FBXW10: variants seen among roughly 807,000 people sequenced by gnomAD.
FBXW10 encodes F-box/WD repeat-containing protein 10.
In FBXW10, 68 loss-of-function variants were observed where a neutral mutation model predicts 113.1. The ratio of observed to expected loss-of-function variants is 0.60; its 90% confidence interval spans 0.49 to 0.74. The LOEUF (loss-of-function observed/expected upper bound fraction) is 0.74. FBXW10 is among the 30% of genes least tolerant of loss of function. The probability of loss-of-function intolerance (pLI) is 0.00; values close to 1 mark genes in which losing one functional copy is unlikely to be tolerated. For synonymous variants in FBXW10, 289 were observed against 481.6 expected, an observed-to-expected ratio of 0.60 and a Z score of 5.24; for missense variants, 753 against 1,284.5, an observed-to-expected ratio of 0.59 and a Z score of 6.32.
intron 2 of FBXW10, 96 bp downstream of exon 2, chr17:18,748,201 T>A: frequency 6.4e-7 from 1 of 1,558,112 alleles, no homozygotes; most frequent in South Asian, 1.2e-5. Flanking sequence ...AAGCAGATCA[T>A]GAGGTCAGGA....
At chr17:18,750,715 C>T in intron 4 of FBXW10, among the ~76,000 whole-genome samples, 1 of 152,028 alleles carries the variant, frequency 6.6e-6, no homozygotes, top group Admixed American at 6.6e-5. Flanking sequence ...CTTTACTGGT[C>T]CCCCTGTGGC....
intron 12 of FBXW10, among the ~76,000 whole-genome samples, chr17:18,774,056 G>A: frequency 7.3e-6 from 1 of 137,256 alleles, no homozygotes; most frequent in Non-Finnish European, 1.6e-5. Context: ...TTAGCATTCT[G>A]CTGTAAAGAG....
In FBXW10 at chr17:18,756,138, C is replaced by G; in HGVS notation, c.1216C>G (p.Arg406Gly). The G allele has an allele frequency of 4.3e-6, 7 of 1,613,794 alleles. No homozygotes were observed. The highest frequency in any genetic ancestry group is 5.9e-6 in the Non-Finnish European group (7 of 1,179,820). Residue 406 changes from arginine to glycine, a missense_variant, in exon 6 of 14, where the codon CGC (arginine) becomes GGC (glycine). Coordinates refer to ENST00000395665, the MANE Select transcript of FBXW10 (RefSeq NM_001267585.2). ...TGTTTTCTGTGGGACCTACAATGTTCGCATTCTCTCTGACACGTAGGTACT... is the reference window on the plus strand; with the variant it reads ...TGTTTTCTGTGGGACCTACAATGTTGGCATTCTCTCTGACACGTAGGTACT... ...RNVFCGTYNVRILSDTWDQNR... is the reference protein window; with the variant it reads ...RNVFCGTYNVGILSDTWDQNR...
chr17:18,746,267 G>A (rs575803573), intron 1 of FBXW10, among the ~76,000 whole-genome samples: 2 of 152,238 alleles, frequency 1.3e-5, no homozygotes, highest in African/African-American at 2.4e-5. Flanking sequence ...AGATTTGGAG[G>A]GGACAAATAT....
rs979951731 is a variant in FBXW10 at position 18,768,449 on chromosome 17, T to C, written c.1705-85T>C. 1.9e-6 allele frequency: 3 copies of C among 1,557,844 alleles called. No individual in the cohort carries two copies. In the African/African-American group the frequency reaches 4.1e-5, roughly 21 times the overall value. ...CAGTCACAGATTGGTGGGGGGTGGC[T>C]TTGGGATTCATCTGAAGAAGCCTCA... On this transcript the variant is annotated intron_variant, in intron 9 of 13. Transcript: ENST00000395665.
rs2035586676 is a variant in FBXW10, at chr17:18,770,230, AAT to A, written c.2006+147_2006+148del. ...CTCTACAATTCTGGCTGGGTGGAGC[AAT>A]AGTCTTGTGGTGGGGACTAACAGGG... On this transcript the variant is annotated intron_variant, in intron 11 of 13. Coordinates refer to ENST00000395665, the MANE Select transcript of FBXW10 (RefSeq NM_001267585.2). 2.3e-6 allele frequency: 3 copies of A among 1,281,290 alleles called. No individual in the cohort carries two copies. The African/African-American group carries it at 4.5e-5, about 19-fold the overall frequency. 79.4% of individuals were successfully genotyped at this position (1,281,290 alleles called of 1,614,324 possible).
At chr17:18,747,290 G>C (rs1453194625) in intron 1 of FBXW10, among the ~76,000 whole-genome samples, 1 of 152,214 alleles carries the variant, frequency 6.6e-6, no homozygotes, top group Non-Finnish European at 1.5e-5. Flanking sequence ...GTTGGGCGCA[G>C]TGGCTCACGC....
At chr17:18,761,511 C>T (rs973781762) in intron 7 of FBXW10, among the ~76,000 whole-genome samples, 1 of 152,114 alleles carries the variant, frequency 6.6e-6, no homozygotes. Flanking sequence ...GTGATTCGCC[C>T]GCCTCGGCCT....
Position 18,744,713 on chromosome 17 carries a change from A to G in FBXW10, c.469A>G (p.Arg157Gly), listed in dbSNP as rs1198418761. 3.1e-6 allele frequency: 5 copies of G among 1,613,920 alleles called. No individual in the cohort carries two copies. Among genetic ancestry groups the G allele is most frequent in the Non-Finnish European group, 4.2e-6 (5 of 1,179,816 alleles). Residue 157 changes from arginine to glycine, a missense_variant, in exon 1 of 14, where the codon AGA becomes GGA. Arg to Gly is a moderately radical substitution (Grantham distance 125). Coordinates refer to ENST00000395665, the MANE Select transcript of FBXW10 (RefSeq NM_001267585.2). ...KLLLTAANVI[R>G]VLFLREENNI... ...ACTGCTCACTGCTGCCAATGTGATCAGAGTCCTGTTTCTGAGAGAGGAGAA... is the reference window on the plus strand; with the variant it reads ...ACTGCTCACTGCTGCCAATGTGATCGGAGTCCTGTTTCTGAGAGAGGAGAA...
intron 1 of FBXW10, among the ~76,000 whole-genome samples, chr17:18,747,443 C>A (rs970209466): frequency 1.1e-4 from 17 of 152,036 alleles, no homozygotes; most frequent in Non-Finnish European, 2.1e-4. Context: ...GTAATCCCAG[C>A]TACTTGGGAG....
intron 8 of FBXW10, 69 bp downstream of exon 8, chr17:18,764,932 T>C (rs2035462372): frequency 1.2e-6 from 2 of 1,613,082 alleles, no homozygotes; most frequent in African/African-American, 2.7e-5. Context: ...AATGCTTTGT[T>C]TTGCTCATTT....
chr17:18,764,318 C>A (rs1452260035), intron 7 of FBXW10, among the ~76,000 whole-genome samples: 1 of 151,486 alleles, frequency 6.6e-6, no homozygotes, highest in Non-Finnish European at 1.5e-5. Flanking sequence ...TCTCCTGCCT[C>A]AGCCTCCTGA....
At chr17:18,764,200 CTTT>C (rs140032131) in intron 7 of FBXW10, among the ~76,000 whole-genome samples, 1 of 116,590 alleles carries the variant, frequency 8.6e-6, no homozygotes, top group Non-Finnish European at 1.7e-5. Context: ...TGTAAATACT[CTTT>C]TTTTTTTTTT....
At position 18,750,090 on chromosome 17, in the gene FBXW10, G is replaced by A. The variant is rs150057313; in HGVS notation, c.952G>A (p.Asp318Asn). The part of the protein sequence containing the change: ...WAAMAQQVKM[D>N]LSAHGFIQNQ... ...CGCCATGGCTCAACAGGTCAAGATGGACTTGTCAGCGCACGGCTTCATTCA... is the reference window on the plus strand; with the variant it reads ...CGCCATGGCTCAACAGGTCAAGATGAACTTGTCAGCGCACGGCTTCATTCA... The change falls in exon 4 of 14, where the codon GAC becomes AAC. Residue 318 changes from aspartate (D) to asparagine (N), a missense_variant. Transcript: ENST00000395665. 7,113 of 1,612,882 alleles carry A rather than the reference G, an allele frequency of 4.4e-3. 24 individuals carry two copies. The highest frequency in any genetic ancestry group is 9.4e-3 in the Middle Eastern group (56 of 5,936).
chr17:18,751,011 G>C lies in FBXW10; in HGVS notation c.1080G>C (p.Lys360Asn), dbSNP rs1393060358. Residue 360 changes from lysine to asparagine, a missense_variant, in exon 5 of 14, where the codon AAG (lysine) becomes AAC (asparagine). Lys to Asn is a moderately conservative substitution (Grantham distance 94, BLOSUM62 0). Transcript: ENST00000395665. The part of the protein sequence containing the change: ...IPVPKMVDDG[K>N]SMRVKHPKWK... The stretch of plus-strand genomic sequence containing the variant: ...TTCCTAAAATGGTAGATGACGGGAA[G>C]AGCATGCGTGTGAAACATCCGAAGT... 6.2e-7 allele frequency: 1 copy of C among 1,614,114 alleles called. No individual in the cohort carries two copies. Among genetic ancestry groups the C allele is most frequent in the Admixed American group, 1.7e-5 (1 of 60,012 alleles).
intron 7 of FBXW10, among the ~76,000 whole-genome samples, chr17:18,762,837 A>G (rs2035412146): frequency 6.7e-6 from 1 of 149,550 alleles, no homozygotes; most frequent in Non-Finnish European, 1.5e-5. Flanking sequence ...CTAAATCTGG[A>G]AAGTTCCTTC....
At chr17:18,751,477 G>A (rs1394295116) in intron 5 of FBXW10, among the ~76,000 whole-genome samples, 1 of 152,048 alleles carries the variant, frequency 6.6e-6, no homozygotes, top group African/African-American at 2.4e-5. Context: ...TGATCCTCCC[G>A]CCTCGGCCTC....
In FBXW10 at chr17:18,761,091, C is replaced by A. The variant is rs137911010; in HGVS notation, c.1433+2586C>A. ...CATTGATTTGAGGTGCTATCTTTAT[C>A]ACATTGAAATTTCCCATATGTGCAT... On this transcript the variant is annotated intron_variant, in intron 7 of 13. Transcript: ENST00000395665. Among the ~76,000 whole-genome samples, 236 of 152,204 alleles carry A rather than the reference C, an allele frequency of 1.6e-3. 2 individuals are homozygous for A. Among genetic ancestry groups the A allele is most frequent in the African/African-American group, 5.4e-3 (225 of 41,532 alleles).
chr17:18,764,036 G>C (rs2035437878), intron 7 of FBXW10, among the ~76,000 whole-genome samples: 2 of 145,140 alleles, frequency 1.4e-5, no homozygotes, highest in Non-Finnish European at 3.0e-5. Flanking sequence ...AGCATCTCTG[G>C]ATTCTATGCA....
Sources: gnomAD v4.1 joint callset for allele counts (sites outside exome capture counted in the v4.1 genomes callset) on GRCh38, gnomAD v4.1.1 for gene constraint, MANE v1.5 for transcripts, NCBI Gene and HGNC (gene_info 2026-07-23, HGNC 2026-07-21) for gene names.